The following LGI1 variants were observed in gnomAD, a reference collection of about 807,000 sequenced individuals.
LGI1 encodes leucine-rich glioma-inactivated protein 1.
In LGI1, 11 loss-of-function variants were observed where a neutral mutation model predicts 57.7. That is an observed-to-expected ratio of 0.19 (90% CI 0.12 to 0.32). LGI1 has a LOEUF of 0.32. Among genes scored for constraint, LGI1 ranks in the 10% least tolerant of loss-of-function variants. LGI1 has a pLI of 1.00. For synonymous variants in LGI1, 222 were observed against 241.9 expected, an observed-to-expected ratio of 0.92 and a Z score of 0.76; for missense variants, 422 against 661.9, an observed-to-expected ratio of 0.64 and a Z score of 3.98.
chr10:93,780,570 T>C (rs981154574), intron 4 of LGI1, among the ~76,000 whole-genome samples: 3 of 152,172 alleles, frequency 2.0e-5, no homozygotes, highest in Non-Finnish European at 4.4e-5. Context: ...TTCATCATAG[T>C]CTCCTGACGA....
intron 2 of LGI1, chr10:93,768,762 A>G (rs1418217766): frequency 1.3e-5 from 2 of 152,240 alleles, no homozygotes; most frequent in Admixed American, 6.5e-5. Context: ...CCCACCACTG[A>G]CAAAAGATGT....
intron 2 of LGI1, chr10:93,763,904 C>T (rs573602593): frequency 2.6e-5 from 4 of 152,168 alleles, no homozygotes; most frequent in South Asian, 2.1e-4. Flanking sequence ...CCAGCCTGAC[C>T]GGACATCCAG....
chr10:93,769,405 A>G (rs1223176233), intron 2 of LGI1: 1 of 152,202 alleles, frequency 6.6e-6, no homozygotes, highest in East Asian at 1.9e-4. Flanking sequence ...ATGTCCATCA[A>G]AGTCTTCTTG....
chr10:93,779,568 G>A (rs1225709077), intron 4 of LGI1, among the ~76,000 whole-genome samples: 1 of 151,966 alleles, frequency 6.6e-6, no homozygotes, highest in Non-Finnish European at 1.5e-5. Flanking sequence ...GAGGAAAAAG[G>A]GAAAGAAAAA....
In LGI1 at chr10:93,790,590, C is replaced by A. The variant is rs12098417; in HGVS notation, c.503+420C>A. On this transcript the variant is annotated intron_variant, in intron 5 of 7. Transcript: ENST00000371418. Reference sequence around the variant, plus strand: ...AGGTTACATCCTTGGGTTGGTCAATCAACAGAGAAATGGAACAGGAAGTGG... The same window carrying A: ...AGGTTACATCCTTGGGTTGGTCAATAAACAGAGAAATGGAACAGGAAGTGG... 1,502 of 167,946 alleles carry A rather than the reference C, an allele frequency of 8.9e-3. 19 individuals are homozygous for A. Among genetic ancestry groups the A allele is most frequent in the African/African-American group, 0.034 (1,411 of 41,664 alleles). 10.4% of individuals were successfully genotyped at this position (167,946 alleles called of 1,614,324 possible). A position where few individuals can be genotyped will look rare whatever the true frequency, so the allele number is the denominator to read the frequency against.
chr10:93,796,848 A>C (rs532388022), intron 7 of LGI1, 120 bp from the exon 8 acceptor site: 25 of 831,372 alleles, frequency 3.0e-5, no homozygotes, highest in Non-Finnish European at 4.5e-5. Flanking sequence ...TGCCTAATCA[A>C]CCAAGGAGAT....
In LGI1 at chr10:93,758,034, A is replaced by C. The variant is rs866672066; in HGVS notation, c.-111A>C. The C allele has an allele frequency of 1.1e-5, 10 of 922,848 alleles. No individual in the cohort carries two copies. The South Asian group carries it at 1.1e-4, about 10-fold the overall frequency. 57.2% of individuals were successfully genotyped at this position (922,848 alleles called of 1,614,324 possible). A position where few individuals can be genotyped will look rare whatever the true frequency, so the allele number is the denominator to read the frequency against. On this transcript the variant is annotated 5_prime_UTR_variant, in exon 1 of 8. Transcript: ENST00000371418. The surrounding 1 kb of genome is among the most constrained non-coding windows in gnomAD (Gnocchi z 4.7). ...GTCTCTGTTTTGAAAAAGCAGAGAT[A>C]CAGAGGCAGAGGAAAAGGGTGGACT...
At chr10:93,784,583 C>G (rs558727975) in intron 4 of LGI1, among the ~76,000 whole-genome samples, 4 of 152,286 alleles carry the variant, frequency 2.6e-5, no homozygotes, top group South Asian at 2.1e-4. Context: ...AACACAGGAG[C>G]CTGGTACTCC....
chr10:93,758,924 G>A lies in LGI1; in HGVS notation c.287+93G>A. On this transcript the variant is annotated intron_variant, in intron 2 of 7. Coordinates refer to ENST00000371418, the MANE Select transcript of LGI1 (RefSeq NM_005097.4). The surrounding 1 kb of genome is among the most constrained non-coding windows in gnomAD (Gnocchi z 4.7). ...GATCTCAATATTAATTTTGTCAAAT[G>A]TGATTCTATTTCTGAGAAAACAGAA... 1 of 990,366 alleles carries A rather than the reference G, an allele frequency of 1.0e-6. No homozygotes were observed. The highest frequency in any genetic ancestry group is 1.6e-6 in the Non-Finnish European group (1 of 631,184). The allele number at this position is 990,366 out of a possible 1,614,324, so 61.3% of individuals were successfully genotyped here.
chr10:93,775,259 TCTC>T (rs1167177227), intron 2 of LGI1, among the ~76,000 whole-genome samples: 1 of 152,160 alleles, frequency 6.6e-6, no homozygotes, highest in African/African-American at 2.4e-5. Context: ...GGGTAACCAC[TCTC>T]CTGATTCTAG....
intron 6 of LGI1, 60 bp downstream of exon 6, chr10:93,792,972 C>A: frequency 6.7e-7 from 1 of 1,493,514 alleles, no homozygotes; most frequent in East Asian, 2.3e-5. Context: ...CTTTTTTTTT[C>A]ATGTGCAGGA....
Position 93,793,181 on chromosome 10 carries a change from T to C in LGI1, c.674-5T>C, listed in dbSNP as rs765478722. ...ACAGTTACTTATTATTTCCTATTTTTGCAGAATTTGCAAAGTCTCAAGACC... is the reference window on the plus strand; with the variant it reads ...ACAGTTACTTATTATTTCCTATTTTCGCAGAATTTGCAAAGTCTCAAGACC... On this transcript the variant is annotated splice_region_variant and splice_polypyrimidine_tract_variant and intron_variant, in intron 6 of 7. Coordinates refer to ENST00000371418, the MANE Select transcript of LGI1 (RefSeq NM_005097.4). 6.2e-7 allele frequency: 1 copy of C among 1,607,582 alleles called. No individual in the cohort carries two copies. The highest frequency in any genetic ancestry group is 8.5e-7 in the Non-Finnish European group (1 of 1,176,686).
At chr10:93,784,787 A>G (rs900873552) in intron 4 of LGI1, among the ~76,000 whole-genome samples, 1 of 152,012 alleles carries the variant, frequency 6.6e-6, no homozygotes, top group African/African-American at 2.4e-5. Context: ...AGGGTCCCCT[A>G]CTGCAATTCA....
At position 93,758,141 on chromosome 10, in the gene LGI1, C is replaced by T; in HGVS notation, c.-4C>T. On this transcript the variant is annotated 5_prime_UTR_variant, in exon 1 of 8. Transcript: ENST00000371418. This position sits in a 1 kb window ranked among gnomAD's most constrained non-coding sequence, Gnocchi z 4.7. ...TTCATGGTTGGGGATATTTTCTCGACTGCATGGAATCAGAAAGAAGCAAAA... is the reference window on the plus strand; with the variant it reads ...TTCATGGTTGGGGATATTTTCTCGATTGCATGGAATCAGAAAGAAGCAAAA... 1 of 1,613,774 alleles carries T rather than the reference C, an allele frequency of 6.2e-7. No homozygotes were observed. The highest frequency in any genetic ancestry group is 1.7e-5 in the Admixed American group (1 of 60,016).
chr10:93,778,876 T>C (rs2059820840), intron 4 of LGI1: 1 of 152,238 alleles, frequency 6.6e-6, no homozygotes, highest in Admixed American at 6.5e-5. Context: ...TCCACGCGGT[T>C]GTCACTCTGC....
intron 2 of LGI1, among the ~76,000 whole-genome samples, chr10:93,766,293 TA>T (rs1221655089): frequency 2.0e-5 from 3 of 152,154 alleles, no homozygotes; most frequent in Non-Finnish European, 4.4e-5. Flanking sequence ...AATAAATCTT[TA>T]AAAATACAAA....
rs2059991277 is a variant in LGI1 at position 93,797,500 on chromosome 10, C to T, written c.1371C>T (p.Val457=). ...CAAGATTCATTGGTGATTCCAAAGT[C>T]ATGAAATGGGGAGGCTCCTCGTTCC... ...CLTRFIGDSK[V]MKWGGSSFQD... Residue 457 remains valine, a synonymous_variant, in exon 8 of 8, where the codon GTC becomes GTT. Transcript: ENST00000371418. This position sits in a 1 kb window ranked among gnomAD's most constrained non-coding sequence, Gnocchi z 6.5. 8.7e-6 allele frequency: 14 copies of T among 1,614,078 alleles called. No individual in the cohort carries two copies. Among genetic ancestry groups the T allele is most frequent in the African/African-American group, 1.3e-5 (1 of 74,928 alleles).
At chr10:93,791,216 C>G (rs1231511032) in intron 5 of LGI1, 1 of 152,168 alleles carries the variant, frequency 6.6e-6, no homozygotes, top group East Asian at 1.9e-4. Flanking sequence ...CCAAGAGAGT[C>G]CTGGACAGAC....
intron 4 of LGI1, 84 bp downstream of exon 4, chr10:93,777,701 T>C (rs1201630920): frequency 9.6e-7 from 1 of 1,042,758 alleles, no homozygotes; most frequent in African/African-American, 1.6e-5. Flanking sequence ...ACCTACTTTA[T>C]GAGTGTCCAT....
Sources: gnomAD v4.1 joint callset for allele counts (sites outside exome capture counted in the v4.1 genomes callset) on GRCh38, gnomAD v4.1.1 for gene constraint, Gnocchi (gnomAD v3.1) non-coding constraint, MANE v1.5 for transcripts, NCBI Gene and HGNC (gene_info 2026-07-23, HGNC 2026-07-21) for gene names.